BMP6: variants seen among roughly 807,000 people sequenced by gnomAD.
BMP6 encodes the protein VG-1-R.
A neutral mutation model predicts 54.1 loss-of-function variants in BMP6; 17 were observed. The ratio of observed to expected loss-of-function variants is 0.31; its 90% CI spans 0.22 to 0.47. The LOEUF (loss-of-function observed/expected upper bound fraction) is 0.47. BMP6 is among the 20% of genes least tolerant of loss of function. The probability of loss-of-function intolerance (pLI) is 1.00; values close to 1 mark genes in which losing one functional copy is unlikely to be tolerated. For missense variants in BMP6, 720 were observed against 690.4 expected, an observed-to-expected ratio of 1.04 and a Z score of -0.48; for synonymous variants, 328 against 291.2, an observed-to-expected ratio of 1.13 and a Z score of -1.28.
intron 1 of BMP6, among the ~76,000 whole-genome samples, chr6:7,744,547 GT>G (rs1238074612): frequency 8.5e-5 from 13 of 152,238 alleles, no homozygotes; most frequent in African/African-American, 2.6e-4. Flanking sequence ...AAAGTTCAAT[GT>G]TTATAGATTT....
chr6:7,845,048 C>T, intron 1 of BMP6, 92 bp from the exon 2 acceptor site: 1 of 1,163,464 alleles, frequency 8.6e-7, no homozygotes, highest in Non-Finnish European at 1.2e-6. Context: ...TGGTAATCCA[C>T]CTATGAAGTC....
At chr6:7,774,066 G>A (rs1458191861) in intron 1 of BMP6, among the ~76,000 whole-genome samples, 1 of 152,232 alleles carries the variant, frequency 6.6e-6, no homozygotes, top group Non-Finnish European at 1.5e-5. Flanking sequence ...CAAGGTGGGA[G>A]TGGACTGCAG....
At chr6:7,865,837 C>T (rs1759412842) in intron 4 of BMP6, among the ~76,000 whole-genome samples, 1 of 152,210 alleles carries the variant, frequency 6.6e-6, no homozygotes, top group African/African-American at 2.4e-5. Flanking sequence ...CCAAAACAAC[C>T]ACCACCAGAA....
chr6:7,802,047 T>A (rs1279609080), intron 1 of BMP6, among the ~76,000 whole-genome samples: 1 of 152,320 alleles, frequency 6.6e-6, no homozygotes, highest in African/African-American at 2.4e-5. Flanking sequence ...ATCTGCTTCC[T>A]GAACACAGAG....
At chr6:7,786,574 A>G (rs1266508166) in intron 1 of BMP6, among the ~76,000 whole-genome samples, 1 of 151,166 alleles carries the variant, frequency 6.6e-6, no homozygotes, top group Non-Finnish European at 1.5e-5. Context: ...CATTCTCCCA[A>G]CCAGCACCTG....
At chr6:7,877,660 C>G (rs954837520) in intron 4 of BMP6, among the ~76,000 whole-genome samples, 1 of 152,094 alleles carries the variant, frequency 6.6e-6, no homozygotes, top group Non-Finnish European at 1.5e-5. Flanking sequence ...TCTGCACGCT[C>G]TCTCCTGCTT....
chr6:7,757,900 C>T (rs1003376315), intron 1 of BMP6, among the ~76,000 whole-genome samples: 2 of 152,166 alleles, frequency 1.3e-5, no homozygotes, highest in African/African-American at 4.8e-5. Flanking sequence ...CACTGAATGC[C>T]CTTCGTAGCT....
At chr6:7,868,815 G>A (rs759140073) in intron 4 of BMP6, among the ~76,000 whole-genome samples, 3 of 152,184 alleles carry the variant, frequency 2.0e-5, no homozygotes, top group Admixed American at 6.5e-5. Flanking sequence ...CAGGGCAGCC[G>A]AGTGGCCCCT....
chr6:7,727,697 G>A (rs1487549904), intron 1 of BMP6, 78 bp downstream of exon 1: 9 of 1,384,992 alleles, frequency 6.5e-6, no homozygotes, highest in African/African-American at 1.5e-5. Flanking sequence ...GGAGTGAGGG[G>A]GTGGAGGAGC....
chr6:7,870,478 T>G (rs1002579244), intron 4 of BMP6, among the ~76,000 whole-genome samples: 14 of 152,212 alleles, frequency 9.2e-5, no homozygotes, highest in African/African-American at 3.4e-4. Context: ...GCACCACAGC[T>G]GGGACCTCTC....
intron 1 of BMP6, among the ~76,000 whole-genome samples, chr6:7,774,432 C>G (rs553119463): frequency 6.6e-6 from 1 of 152,184 alleles, no homozygotes; most frequent in South Asian, 2.1e-4. Flanking sequence ...CACCTGTAAT[C>G]CCAGCTACTC....
chr6:7,870,015 G>A (rs1354922888), intron 4 of BMP6, among the ~76,000 whole-genome samples: 2 of 152,138 alleles, frequency 1.3e-5, no homozygotes, highest in South Asian at 2.1e-4. Flanking sequence ...AGATGTGAAA[G>A]CTCAGTTGTG....
At chr6:7,774,141 A>G (rs1757828532) in intron 1 of BMP6, among the ~76,000 whole-genome samples, 1 of 152,174 alleles carries the variant, frequency 6.6e-6, no homozygotes, top group Non-Finnish European at 1.5e-5. Context: ...TTTTTCGATG[A>G]AGAGAGACAC....
At chr6:7,846,755 A>G (rs1398093712) in intron 2 of BMP6, among the ~76,000 whole-genome samples, 1 of 152,212 alleles carries the variant, frequency 6.6e-6, no homozygotes, top group African/African-American at 2.4e-5. Context: ...TCTTTTGAAA[A>G]GTACATTTTT....
chr6:7,879,231 AC>A, intron 5 of BMP6, 81 bp downstream of exon 5: 1 of 1,406,692 alleles, frequency 7.1e-7, no homozygotes, highest in Non-Finnish European at 1.0e-6. Context: ...ATTACCAAAC[AC>A]CCAGAGCTTG....
At chr6:7,872,001 G>A (rs562968313) in intron 4 of BMP6, among the ~76,000 whole-genome samples, 7 of 152,164 alleles carry the variant, frequency 4.6e-5, no homozygotes, top group East Asian at 3.9e-4. Flanking sequence ...CTGTCCTGGC[G>A]GCGGGGGTGG....
intron 1 of BMP6, among the ~76,000 whole-genome samples, chr6:7,778,829 C>T (rs901004277): frequency 3.3e-5 from 5 of 152,160 alleles, no homozygotes; most frequent in East Asian, 1.9e-4. Flanking sequence ...TTCCCATTCC[C>T]GGAGGGCACT....
At chr6:7,789,188 C>T (rs1758060290) in intron 1 of BMP6, among the ~76,000 whole-genome samples, 2 of 152,156 alleles carry the variant, frequency 1.3e-5, no homozygotes, top group East Asian at 1.9e-4. Flanking sequence ...ACCCCTAGCC[C>T]TACGTCTCCC....
At chr6:7,816,657 G>T (rs1312578573) in intron 1 of BMP6, among the ~76,000 whole-genome samples, 2 of 152,026 alleles carry the variant, frequency 1.3e-5, no homozygotes, top group African/African-American at 4.8e-5. Flanking sequence ...TTAGACTAAT[G>T]GTTTGTTTAT....
Sources: allele counts gnomAD v4.1 joint callset (sites outside exome capture counted in the v4.1 genomes callset), GRCh38; gene constraint gnomAD v4.1.1; transcripts MANE v1.5; gene names NCBI Gene and HGNC (gene_info 2026-07-23, HGNC 2026-07-21).